TOPBP1: variants seen among roughly 807,000 people sequenced by gnomAD.
TOPBP1 encodes the protein DNA topoisomerase II binding protein 1, also known as DNA topoisomerase 2-binding protein 1.
Under a neutral mutation model 167.7 loss-of-function variants are expected in TOPBP1, and 28 were observed. The observed-to-expected ratio is 0.17, with a 90% CI of 0.12 to 0.23. The LOEUF (loss-of-function observed/expected upper bound fraction) is 0.23. TOPBP1 is among the 10% of genes least tolerant of loss of function. The pLI, the probability that TOPBP1 is intolerant of heterozygous loss-of-function variation, is 1.00. For missense variants in TOPBP1, 1,554 were observed against 1,809.6 expected, an observed-to-expected ratio of 0.86 and a Z score of 2.56; for synonymous variants, 598 against 611.4, an observed-to-expected ratio of 0.98 and a Z score of 0.32.
intron 14 of TOPBP1, 125 bp from the exon 15 acceptor site, chr3:133,628,858 C>A: frequency 2.2e-6 from 2 of 913,724 alleles, no homozygotes; most frequent in South Asian, 1.9e-5. Context: ...GGGGGAGAAT[C>A]CTCAAAATTA....
In TOPBP1 at chr3:133,620,355, C is replaced by T; in HGVS notation, c.3179-8G>A. 1.2e-6 allele frequency: 2 copies of T among 1,611,650 alleles called. No individual in the cohort carries two copies. Among genetic ancestry groups the T allele is most frequent in the South Asian group, 1.1e-5 (1 of 90,814 alleles). On this transcript the variant is annotated splice_polypyrimidine_tract_variant and splice_region_variant and intron_variant, in intron 19 of 27. Transcript: ENST00000260810. ...CTAAGGTCTGTGTCAGAACTTGAAACAAACACAAATACACCATTCAAGGTA... is the reference window on the plus strand; with the variant it reads ...CTAAGGTCTGTGTCAGAACTTGAAATAAACACAAATACACCATTCAAGGTA...
At chr3:133,650,038 A>C (rs188514533) in intron 8 of TOPBP1, 95 bp from the exon 9 acceptor site, 1 of 1,056,740 alleles carries the variant, frequency 9.5e-7, no homozygotes, top group East Asian at 2.8e-5. Flanking sequence ...TATAAATAAG[A>C]CAACTTGTGT....
At chr3:133,623,589 TAG>T (rs1935171248) in intron 17 of TOPBP1, 132 bp from the exon 18 acceptor site, 1 of 1,025,184 alleles carries the variant, frequency 9.8e-7, no homozygotes, top group Non-Finnish European at 1.3e-6. Flanking sequence ...GTTTGAAAAG[TAG>T]TTTACACTGA....
Position 133,616,893 on chromosome 3 carries a change from T to C in TOPBP1, c.3792A>G (p.Leu1264=), listed in dbSNP as rs770033871. 23 of 1,546,062 alleles carry C rather than the reference T, an allele frequency of 1.5e-5. 1 individual carries two copies. In the South Asian group the frequency reaches 2.2e-4, roughly 15 times the overall value. The change falls in exon 23 of 28, where the codon TTA becomes TTG. Residue 1264 remains leucine, a synonymous_variant. Coordinates refer to ENST00000260810, the MANE Select transcript of TOPBP1 (RefSeq NM_007027.4). ...ATAACTGAAATATGTACTGTTTTTT[T>C]AATTCTTCATGAGTCTCCTCTATCG... The part of the protein sequence containing the change: ...IITIEETHEE[L]KKQYIFQLSS...
chr3:133,607,561 A>G (rs1052564493), intron 27 of TOPBP1, among the ~76,000 whole-genome samples: 1 of 152,116 alleles, frequency 6.6e-6, no homozygotes, highest in African/African-American at 2.4e-5. Flanking sequence ...TCTCAAATCC[A>G]AAAGTTAGAA....
At chr3:133,658,309 A>C (rs540050170) in intron 3 of TOPBP1, among the ~76,000 whole-genome samples, 2 of 152,180 alleles carry the variant, frequency 1.3e-5, no homozygotes, top group East Asian at 3.9e-4. Flanking sequence ...TCTACTAAAA[A>C]TACAAAAATT....
rs543549787 is a variant in TOPBP1 at position 133,612,494 on chromosome 3, T to A, written c.3930A>T (p.Gly1310=). 1.2e-6 allele frequency: 2 copies of A among 1,613,964 alleles called. No individual in the cohort carries two copies. Among genetic ancestry groups the A allele is most frequent in the African/African-American group, 2.7e-5 (2 of 75,044 alleles). Residue 1310 remains glycine, a synonymous_variant, in exon 24 of 28, where the codon GGA becomes GGT. Transcript: ENST00000260810. ...FDPTCTHIVV[G]HPLRNEKYLA... Reference sequence around the variant, plus strand: ...AATACTTCTCGTTTCGAAGTGGATGTCCCACAACAATGTGTGTACAGGTGG... The same window carrying A: ...AATACTTCTCGTTTCGAAGTGGATGACCCACAACAATGTGTGTACAGGTGG...
chr3:133,621,180 T>C (rs746258296), intron 19 of TOPBP1, among the ~76,000 whole-genome samples: 15 of 150,492 alleles, frequency 1.0e-4, no homozygotes, highest in Non-Finnish European at 1.8e-4. Flanking sequence ...CCCAGCTAAT[T>C]TTTTAAATTT....
Position 133,640,109 on chromosome 3 carries a change from G to C in TOPBP1, c.2083C>G (p.Leu695Val), listed in dbSNP as rs1935844967. 6.2e-7 allele frequency: 1 copy of C among 1,613,750 alleles called. No individual in the cohort carries two copies. The highest frequency in any genetic ancestry group is 8.5e-7 in the Non-Finnish European group (1 of 1,179,822). Residue 695 changes from leucine (L) to valine (V), a missense_variant, in exon 13 of 28, where the codon CTT becomes GTT. Leu to Val is a conservative substitution (Grantham distance 32). Around this residue, in one of 3 missense-constraint regions of TOPBP1, gnomAD observed 1,197 missense variants for 1,351.5 expected, o/e 0.89. Coordinates refer to ENST00000260810, the MANE Select transcript of TOPBP1 (RefSeq NM_007027.4). ...AKKGMFASTH[L>V]ILKERGGSKY... ...GAGCCACCACGTTCTTTCAGTATAAGATGAGTACTGGCAAACATGCCTTTC... is the reference window on the plus strand; with the variant it reads ...GAGCCACCACGTTCTTTCAGTATAACATGAGTACTGGCAAACATGCCTTTC...
At chr3:133,632,344 G>T (rs1038388056) in intron 14 of TOPBP1, among the ~76,000 whole-genome samples, 7 of 152,064 alleles carry the variant, frequency 4.6e-5, no homozygotes, top group Non-Finnish European at 1.0e-4. Context: ...GGCGGAGGTT[G>T]CAGTGAGCCG....
In TOPBP1 at chr3:133,615,670, A is replaced by G. The variant is rs558397301; in HGVS notation, c.3871+1144T>C. Among the ~76,000 whole-genome samples, 10 of 152,320 alleles carry G rather than the reference A, an allele frequency of 6.6e-5. 1 individual carries two copies. In the South Asian group the frequency reaches 1.9e-3, roughly 28 times the overall value. ...CAAATTGAGATGTGCTGTAAGTTAA[A>G]TAAACACTAGATTTTTACTTTATAT... On this transcript the variant is annotated intron_variant, in intron 23 of 27. Transcript: ENST00000260810.
Position 133,657,758 on chromosome 3 carries a change from GA to G in TOPBP1, c.363+39del, listed in dbSNP as rs558857442. ...AGTGAAAAATTAAGAATAAGAGATA[GA>G]TATATAAATTGATCAATCATCATGA... On this transcript the variant is annotated intron_variant, in intron 4 of 27. Transcript: ENST00000260810. 4.6e-4 allele frequency: 658 copies of G among 1,425,422 alleles called. 1 individual carries two copies. The African/African-American group carries it at 8.5e-3, about 18-fold the overall frequency. The allele number at this position is 1,425,422 out of a possible 1,614,324, so 88.3% of individuals were successfully genotyped here.
chr3:133,604,829 G>A (rs1490457973), intron 27 of TOPBP1, among the ~76,000 whole-genome samples: 2 of 151,882 alleles, frequency 1.3e-5, no homozygotes, highest in Non-Finnish European at 2.9e-5. Context: ...TGAGGCAGGA[G>A]AATCACTTGA....
intron 14 of TOPBP1, among the ~76,000 whole-genome samples, chr3:133,634,645 CA>C (rs1935606852): frequency 1.3e-5 from 2 of 151,382 alleles, no homozygotes; most frequent in African/African-American, 4.9e-5. Flanking sequence ...ACATACAAAG[CA>C]AGGCAGTAGT....
chr3:133,608,466 G>A, intron 27 of TOPBP1, 69 bp downstream of exon 27: 1 of 1,534,838 alleles, frequency 6.5e-7, no homozygotes, highest in Non-Finnish European at 8.8e-7. Context: ...GTTTTGTTGT[G>A]CAGTTACTTA....
chr3:133,643,439 G>A, intron 11 of TOPBP1, 67 bp from the exon 12 acceptor site: 1 of 1,340,864 alleles, frequency 7.5e-7, no homozygotes, highest in Non-Finnish European at 9.9e-7. Flanking sequence ...CACTGGTTCA[G>A]GTACAGAAGC....
intron 22 of TOPBP1, 66 bp from the exon 23 acceptor site, chr3:133,616,991 T>C (rs1001057752): frequency 2.4e-6 from 3 of 1,259,006 alleles, no homozygotes; most frequent in South Asian, 1.6e-5. Flanking sequence ...AGTTCTTTTA[T>C]AGTGGTATTT....
At chr3:133,616,946 T>A in intron 22 of TOPBP1, 21 bp from the exon 23 acceptor site, 1 of 1,407,142 alleles carries the variant, frequency 7.1e-7, no homozygotes, top group Admixed American at 2.9e-5. Flanking sequence ...AGTTTTACTT[T>A]AGAAAAAATT....
rs1277527311 is a variant in TOPBP1 at position 133,649,886 on chromosome 3, T to A, written c.1147A>T (p.Ser383Cys). The A allele has an allele frequency of 1.9e-6, 3 of 1,611,568 alleles. No homozygotes were observed. Among genetic ancestry groups the A allele is most frequent in the Non-Finnish European group, 2.5e-6 (3 of 1,179,136 alleles). ...KLDKLRRLIN[S>C]GGGVRFNQLN... Reference sequence around the variant, plus strand: ...TGGTTAAAACGAACTCCACCTCCACTGTTAATAAGTCTTCTCAGTTTATCT... The same window carrying A: ...TGGTTAAAACGAACTCCACCTCCACAGTTAATAAGTCTTCTCAGTTTATCT... Residue 383 changes from serine to cysteine, a missense_variant, in exon 9 of 28, where the codon AGT becomes TGT. Physicochemically the swap from Ser to Cys is moderately radical, Grantham distance 112. Transcript: ENST00000260810.
Sources: gnomAD v4.1 joint callset for allele counts (sites outside exome capture counted in the v4.1 genomes callset) on GRCh38, gnomAD v4.1.1 for gene constraint, gnomAD v4.1.1 regional missense constraint, MANE v1.5 for transcripts, NCBI Gene and HGNC (gene_info 2026-07-23, HGNC 2026-07-21) for gene names.